The following PTGR1 variants were observed in gnomAD, a reference collection of about 807,000 sequenced individuals.
PTGR1 encodes 15-oxoprostaglandin 13-reductase.
Under a neutral mutation model 37.7 loss-of-function variants are expected in PTGR1, and 23 were observed. The ratio of observed to expected loss-of-function variants is 0.61; its 90% CI spans 0.44 to 0.86. The LOEUF is 0.86. Ranked by LOEUF, PTGR1 falls within the 40% of genes least tolerant of loss-of-function variation. The pLI, the probability that PTGR1 is intolerant of heterozygous loss-of-function variation, is 0.00. For synonymous variants in PTGR1, 134 were observed against 140.0 expected (o/e 0.96, Z 0.30); for missense variants, 351 against 394.3 (o/e 0.89, Z 0.93).
chr9:111,573,583 G>T (rs1372073873), intron 8 of PTGR1, among the ~76,000 whole-genome samples: 3 of 150,370 alleles, frequency 2.0e-5, no homozygotes, highest in South Asian at 2.1e-4. Context: ...CTCCTTTTTT[G>T]GGGGGGGACC....
At chr9:111,598,891 A>C (rs1829859390) in intron 1 of PTGR1, among the ~76,000 whole-genome samples, 1 of 152,148 alleles carries the variant, frequency 6.6e-6, no homozygotes, top group Non-Finnish European at 1.5e-5. Flanking sequence ...AACAGATCTC[A>C]GAACCTACTC....
intron 7 of PTGR1, among the ~76,000 whole-genome samples, chr9:111,578,390 G>C (rs1249616626): frequency 6.6e-6 from 1 of 151,986 alleles, no homozygotes; most frequent in Admixed American, 6.6e-5. Context: ...GAATCAGTGG[G>C]TGAGTTTTCC....
chr9:111,564,276 T>TA, intron 9 of PTGR1: 1 of 720,582 alleles, frequency 1.4e-6, no homozygotes, highest in South Asian at 3.5e-5. Context: ...AAATTTAAAC[T>TA]TTTATTATTA....
At chr9:111,576,197 G>A (rs985239417) in intron 7 of PTGR1, among the ~76,000 whole-genome samples, 1 of 151,554 alleles carries the variant, frequency 6.6e-6, no homozygotes, top group African/African-American at 2.4e-5. Context: ...AACAAAAACA[G>A]AAAGAAGGTT....
In PTGR1 at chr9:111,586,185, A is replaced by G. The variant is rs374558901; in HGVS notation, c.210-20T>C. 1.9e-6 allele frequency: 3 copies of G among 1,608,208 alleles called. No individual in the cohort carries two copies. The highest frequency in any genetic ancestry group is 1.7e-5 in the Admixed American group (1 of 59,894). ...ACAACTCTGAAAGATAAAGCACATTAAGGCATTAAGGCATGTGACATGTCT... is the reference window on the plus strand; with the variant it reads ...ACAACTCTGAAAGATAAAGCACATTGAGGCATTAAGGCATGTGACATGTCT... On this transcript the variant is annotated intron_variant, in intron 4 of 9. Transcript: ENST00000407693.
intron 3 of PTGR1, among the ~76,000 whole-genome samples, 178 bp from the exon 4 acceptor site, chr9:111,593,160 C>G (rs892042611): frequency 1.3e-5 from 2 of 151,986 alleles, no homozygotes; most frequent in African/African-American, 2.4e-5. Flanking sequence ...AGGTGAGATA[C>G]AGGAGGAAAG....
chr9:111,555,337 A>C (rs1055770635), intron 9 of PTGR1, among the ~76,000 whole-genome samples: 1 of 152,152 alleles, frequency 6.6e-6, no homozygotes, highest in Non-Finnish European at 1.5e-5. Context: ...CAAACTCTTT[A>C]GCCTCTGATT....
intron 8 of PTGR1, among the ~76,000 whole-genome samples, chr9:111,571,307 G>A (rs1381525435): frequency 6.7e-6 from 1 of 149,598 alleles, no homozygotes; most frequent in Non-Finnish European, 1.5e-5. Context: ...AGCTACTCAG[G>A]AGGCTGAGGC....
chr9:111,580,583 C>G (rs1262994168), intron 6 of PTGR1, among the ~76,000 whole-genome samples: 1 of 152,032 alleles, frequency 6.6e-6, no homozygotes, highest in Non-Finnish European at 1.5e-5. Flanking sequence ...CGGAGAAACC[C>G]CATCTCTACT....
intron 7 of PTGR1, chr9:111,576,724 A>AATAATATGTTCAG (rs1829073417): frequency 4.2e-6 from 1 of 240,358 alleles, no homozygotes; most frequent in East Asian, 8.3e-5. Flanking sequence ...CTTGGTGGTG[A>AATAATATGTTCAG]CCTTATAGAA....
In PTGR1 at chr9:111,594,208, G is replaced by A. The variant is rs756245892; in HGVS notation, c.152+14C>T. 22 of 1,608,314 alleles carry A rather than the reference G, an allele frequency of 1.4e-5. No homozygotes were observed. The highest frequency in any genetic ancestry group is 2.2e-5 in the East Asian group (1 of 44,850). ...ACACAGCATTAGCATTTTGAGGGGCGAAATAAATAATACCTCATGTAGGGA... is the reference window on the plus strand; with the variant it reads ...ACACAGCATTAGCATTTTGAGGGGCAAAATAAATAATACCTCATGTAGGGA... On this transcript the variant is annotated intron_variant, in intron 3 of 9. Transcript: ENST00000407693.
At chr9:111,560,671 C>T (rs1218164006), downstream of PTGR1, among the ~76,000 whole-genome samples, 17 of 139,770 alleles carry the variant, frequency 1.2e-4, no homozygotes, top group Admixed American at 7.9e-4. Context: ...GCACCACGCA[C>T]GGTGGTTCAC....
chr9:111,599,411 G>C (rs1239909064), intron 1 of PTGR1, 192 bp downstream of exon 1: 1 of 152,348 alleles, frequency 6.6e-6, no homozygotes, highest in Non-Finnish European at 1.5e-5. Context: ...AAGGAACTGC[G>C]GGGGCGGGAG....
intron 6 of PTGR1, among the ~76,000 whole-genome samples, chr9:111,582,226 G>A (rs995992215): frequency 4.3e-4 from 65 of 152,002 alleles, no homozygotes; most frequent in African/African-American, 1.5e-3. Flanking sequence ...CTTTCAGATG[G>A]GTGAAAAATG....
chr9:111,558,466 C>T (rs1486671130), downstream of PTGR1, among the ~76,000 whole-genome samples: 2 of 152,068 alleles, frequency 1.3e-5, no homozygotes, highest in African/African-American at 4.8e-5. Context: ...TCTCTTTAGC[C>T]TGGGAGTTTG....
intron 2 of PTGR1, 101 bp from the exon 3 acceptor site, chr9:111,594,368 G>C: frequency 9.0e-7 from 1 of 1,105,520 alleles, no homozygotes; most frequent in Non-Finnish European, 1.4e-6. Flanking sequence ...CAGGGACAAG[G>C]GTTGAGAAAC....
intron 8 of PTGR1, among the ~76,000 whole-genome samples, chr9:111,571,644 A>AT (rs1828826185): frequency 6.8e-6 from 1 of 146,568 alleles, no homozygotes; most frequent in South Asian, 2.2e-4. Context: ...CACCTGGCTA[A>AT]TTTTTTTTAG....
chr9:111,560,155 G>A (rs1828231811), downstream of PTGR1, among the ~76,000 whole-genome samples: 1 of 151,700 alleles, frequency 6.6e-6, no homozygotes. Flanking sequence ...AGACCAGCCT[G>A]GCCAACATGG....
At chr9:111,554,089 G>T (rs1369013165) in intron 9 of PTGR1, among the ~76,000 whole-genome samples, 1 of 152,144 alleles carries the variant, frequency 6.6e-6, no homozygotes, top group African/African-American at 2.4e-5. Context: ...CCACTCTAGA[G>T]ATCTCACACA....
Sources: gnomAD v4.1 joint callset for allele counts (sites outside exome capture counted in the v4.1 genomes callset) on GRCh38, gnomAD v4.1.1 for gene constraint, MANE v1.5 for transcripts, NCBI Gene and HGNC (gene_info 2026-07-23, HGNC 2026-07-21) for gene names.